KIAA1549L: variants seen among roughly 807,000 people sequenced by gnomAD.
KIAA1549L encodes UPF0606 protein KIAA1549L.
Under a neutral mutation model 160.7 loss-of-function variants are expected in KIAA1549L, and 88 were observed. The observed-to-expected ratio is 0.55, with a 90% confidence interval of 0.46 to 0.65. KIAA1549L has a LOEUF of 0.65. Among genes scored for constraint, KIAA1549L ranks in the 30% least tolerant of loss-of-function variants. KIAA1549L has a pLI of 0.00. For synonymous variants in KIAA1549L, 950 were observed against 976.7 expected, an observed-to-expected ratio of 0.97 and a Z score of 0.51; for missense variants, 2,258 against 2,437.5, an observed-to-expected ratio of 0.93 and a Z score of 1.55.
intron 5 of KIAA1549L, 128 bp from the exon 6 acceptor site, chr11:33,551,979 TG>T: frequency 9.8e-7 from 1 of 1,016,038 alleles, no homozygotes; most frequent in African/African-American, 1.6e-5. Context: ...AAACCTTGTC[TG>T]GCCTTATTAT....
At chr11:33,605,830 C>T (rs1223998805) in intron 13 of KIAA1549L, among the ~76,000 whole-genome samples, 1 of 152,144 alleles carries the variant, frequency 6.6e-6, no homozygotes, top group Non-Finnish European at 1.5e-5. Context: ...CTTATAGTTA[C>T]TTAATGGGAA....
chr11:33,542,764 G>A lies in KIAA1549L; in HGVS notation c.1201G>A (p.Val401Met), dbSNP rs774184020. The change falls in exon 2 of 21, where the codon GTG (valine) becomes ATG (methionine). Residue 401 changes from valine (V) to methionine (M), a missense_variant. Val to Met is a conservative substitution (Grantham distance 21). Transcript: ENST00000658780. The stretch of plus-strand genomic sequence containing the variant: ...GGTGCCTGGAAGAGTGCACAATGGG[G>A]TGTCTTTGCCAACTTTTAAGAATAC... ...AGVPGRVHNG[V>M]SLPTFKNTET... 1 of 1,613,824 alleles carries A rather than the reference G, an allele frequency of 6.2e-7. No individual in the cohort carries two copies. The highest frequency in any genetic ancestry group is 1.3e-5 in the African/African-American group (1 of 74,948).
chr11:33,501,784 A>T (rs1852954625), intron 1 of KIAA1549L, among the ~76,000 whole-genome samples: 1 of 152,076 alleles, frequency 6.6e-6, no homozygotes, highest in Non-Finnish European at 1.5e-5. Context: ...ACCTTTATTG[A>T]CTCATTTAAT....
At chr11:33,604,449 A>G (rs1239964819) in intron 13 of KIAA1549L, among the ~76,000 whole-genome samples, 1 of 152,176 alleles carries the variant, frequency 6.6e-6, no homozygotes, top group Non-Finnish European at 1.5e-5. Flanking sequence ...AGTCAATCCC[A>G]CTCCTGGGTA....
intron 16 of KIAA1549L, among the ~76,000 whole-genome samples, chr11:33,639,308 G>T (rs1851523857): frequency 6.6e-6 from 1 of 152,090 alleles, no homozygotes; most frequent in Non-Finnish European, 1.5e-5. Flanking sequence ...AACATTAAAA[G>T]AATTCCAGGT....
At chr11:33,399,690 C>A (rs562233911) in intron 1 of KIAA1549L, among the ~76,000 whole-genome samples, 1 of 152,338 alleles carries the variant, frequency 6.6e-6, no homozygotes, top group African/African-American at 2.4e-5. Flanking sequence ...GCTTTGCACG[C>A]TGACTGATGA....
chr11:33,593,442 A>G (rs1382107375), intron 12 of KIAA1549L, among the ~76,000 whole-genome samples: 1 of 152,158 alleles, frequency 6.6e-6, no homozygotes, highest in Non-Finnish European at 1.5e-5. Flanking sequence ...TTGTCTCAAA[A>G]TAAAATATAA....
chr11:33,537,827 G>T (rs1423111162), intron 1 of KIAA1549L, among the ~76,000 whole-genome samples: 2 of 152,102 alleles, frequency 1.3e-5, no homozygotes, highest in Non-Finnish European at 2.9e-5. Flanking sequence ...GTCTTTGAAG[G>T]CCTTAGTTTT....
At chr11:33,629,098 A>G (rs960424502) in intron 16 of KIAA1549L, among the ~76,000 whole-genome samples, 8 of 152,040 alleles carry the variant, frequency 5.3e-5, no homozygotes, top group Non-Finnish European at 1.2e-4. Context: ...TTCTTTAAGA[A>G]TGTTGAATTT....
rs1416049220 is a variant in KIAA1549L at position 33,544,219 on chromosome 11, C to T, written c.2656C>T (p.Pro886Ser). 6.2e-7 allele frequency: 1 copy of T among 1,613,912 alleles called. No homozygotes were observed. Among genetic ancestry groups the T allele is most frequent in the South Asian group, 1.1e-5 (1 of 91,090 alleles). ...ATCACCTGAGAGAAATGCTTCCACA[C>T]CATTCCAGAACATCTTGGGATATCA... Reference protein sequence around the residue: ...NSSPERNASTPFQNILGYHSA... With the variant: ...NSSPERNASTSFQNILGYHSA... The change falls in exon 2 of 21, where the codon CCA (proline) becomes TCA (serine). Residue 886 changes from proline to serine, a missense_variant. By Grantham distance (74) the Pro-to-Ser change is moderately conservative. This residue lies in a region of KIAA1549L where 287 missense variants were observed against 292.3 expected (regional missense o/e 0.98). Coordinates refer to ENST00000658780, the MANE Select transcript of KIAA1549L (RefSeq NM_012194.3).
At chr11:33,447,538 CCACCCATGCGTGCATGCATG>C in intron 1 of KIAA1549L, among the ~76,000 whole-genome samples, 1 of 139,882 alleles carries the variant, frequency 7.1e-6, no homozygotes, top group South Asian at 2.5e-4. Context: ...ACCCATCTAT[CCACCCATGCGTGCATGCATG>C]CATCCATCCA....
At chr11:33,641,607 TATATATATATATATATATATATATATAC>T (rs1851586056) in intron 16 of KIAA1549L, among the ~76,000 whole-genome samples, 2 of 30,736 alleles carry the variant, frequency 6.5e-5, no homozygotes, top group Non-Finnish European at 1.0e-4. Context: ...TATATATATA[TATATATATATATATATATATATATATAC>T]ACAGTGGGTA....
chr11:33,639,333 A>G (rs530169784), intron 16 of KIAA1549L, among the ~76,000 whole-genome samples: 10 of 152,252 alleles, frequency 6.6e-5, no homozygotes, highest in African/African-American at 9.6e-5. Context: ...CCTCTATCCA[A>G]TGGCCACCAT....
chr11:33,406,604 G>A lies in KIAA1549L; in HGVS notation c.238+29715G>A, dbSNP rs541652127. Among the ~76,000 whole-genome samples, 111 of 152,330 alleles carry A rather than the reference G, an allele frequency of 7.3e-4. 2 individuals are homozygous for A. The highest frequency in any genetic ancestry group is 1.0e-4 in the Non-Finnish European group (7 of 68,042). On this transcript the variant is annotated intron_variant, in intron 1 of 20. Coordinates refer to ENST00000658780, the MANE Select transcript of KIAA1549L (RefSeq NM_012194.3). ...CAGCGGAGCAAAGCTCCCCAGAGTT[G>A]GCAGCCCCTGAAATTCAGGGCAGGT...
chr11:33,601,866 C>T (rs75828410), intron 13 of KIAA1549L, among the ~76,000 whole-genome samples: 4,811 of 152,236 alleles, frequency 0.032, 252 homozygotes, highest in African/African-American at 0.11. Context: ...CAGTTACCAT[C>T]GCTGCAATTT....
At chr11:33,456,765 C>T (rs1366277680) in intron 1 of KIAA1549L, among the ~76,000 whole-genome samples, 4 of 152,168 alleles carry the variant, frequency 2.6e-5, no homozygotes, top group Non-Finnish European at 5.9e-5. Flanking sequence ...AACTACTACT[C>T]AGATAATAAA....
At chr11:33,441,652 G>T (rs1851508999) in intron 1 of KIAA1549L, among the ~76,000 whole-genome samples, 1 of 152,092 alleles carries the variant, frequency 6.6e-6, no homozygotes, top group Non-Finnish European at 1.5e-5. Context: ...GTTTTGATTT[G>T]CATTTCTCTG....
chr11:33,545,247 C>T lies in KIAA1549L; in HGVS notation c.3254C>T (p.Thr1085Ile). The T allele has an allele frequency of 6.2e-7, 1 of 1,614,030 alleles. No homozygotes were observed. Among genetic ancestry groups the T allele is most frequent in the Non-Finnish European group, 8.5e-7 (1 of 1,179,894 alleles). Residue 1085 changes from threonine to isoleucine, a missense_variant, in exon 3 of 21, where the codon ACC becomes ATC. Coordinates refer to ENST00000658780, the MANE Select transcript of KIAA1549L (RefSeq NM_012194.3). ...LTSITASVKA[T>I]RLPPLRAENT... The stretch of plus-strand genomic sequence containing the variant: ...TCCATTACAGCCTCAGTGAAGGCCA[C>T]CCGGTTGCCACCATTGCGAGCAGAA...
intron 1 of KIAA1549L, among the ~76,000 whole-genome samples, chr11:33,457,179 G>A (rs1482925090): frequency 1.3e-5 from 2 of 152,130 alleles, no homozygotes; most frequent in African/African-American, 4.8e-5. Flanking sequence ...GGGGTTTGGG[G>A]GAGTGTTGAA....
Sources: gnomAD v4.1 joint callset for allele counts (sites outside exome capture counted in the v4.1 genomes callset) on GRCh38, gnomAD v4.1.1 for gene constraint, gnomAD v4.1.1 regional missense constraint, MANE v1.5 for transcripts, NCBI Gene and HGNC (gene_info 2026-07-23, HGNC 2026-07-21) for gene names.